The following DGKG variants were observed in gnomAD, a reference collection of about 807,000 sequenced individuals.
The protein encoded by DGKG is diacylglycerol kinase gamma.
A neutral mutation model predicts 105.3 loss-of-function variants in DGKG; 78 were observed. That is an observed-to-expected ratio of 0.74 (90% confidence interval 0.62 to 0.89). DGKG has a LOEUF of 0.89. Among genes scored for constraint, DGKG ranks in the 40% least tolerant of loss-of-function variants. DGKG has a pLI of 0.00. For missense variants in DGKG, 958 were observed against 1,020.1 expected (o/e 0.94, Z 0.83); for synonymous variants, 346 against 367.1 (o/e 0.94, Z 0.66).
intron 1 of DGKG, among the ~76,000 whole-genome samples, chr3:186,355,641 C>T (rs1726913616): frequency 6.6e-6 from 1 of 151,886 alleles, no homozygotes; most frequent in South Asian, 2.1e-4. Flanking sequence ...ACCACTATCA[C>T]CAGCACCACC....
chr3:186,179,408 T>G (rs561817640), intron 22 of DGKG, among the ~76,000 whole-genome samples: 1 of 152,286 alleles, frequency 6.6e-6, no homozygotes, highest in Non-Finnish European at 1.5e-5. Flanking sequence ...GACTGAGGAT[T>G]GGTCTGTGTG....
rs62290690 is a variant in DGKG, at chr3:186,353,650, G to A, written c.-249+8296C>T. 7.8e-3 allele frequency among the ~76,000 whole-genome samples: 474 copies of A among 60,800 alleles called. 3 individuals carry two copies. Among genetic ancestry groups the A allele is most frequent in the African/African-American group, 0.02 (435 of 21,798 alleles). The allele number at this position is 60,800 out of a possible 152,430, so 39.9% of individuals were successfully genotyped here. The stretch of plus-strand genomic sequence containing the variant: ...TATCTATATCTATATCTATATCTAT[G>A]TCTATGTCTATATCTATATCTATAT... On this transcript the variant is annotated intron_variant, in intron 1 of 24. Coordinates refer to ENST00000265022, the MANE Select transcript of DGKG (RefSeq NM_001346.3).
chr3:186,324,696 T>C (rs949417911), intron 1 of DGKG, among the ~76,000 whole-genome samples: 1 of 152,154 alleles, frequency 6.6e-6, no homozygotes, highest in African/African-American at 2.4e-5. Context: ...AAACAGATAC[T>C]GGTGAGGCTT....
rs759717539 is a variant in DGKG at position 186,298,116 on chromosome 3, C to G, written c.258G>C (p.Glu86Asp). ...CTCCCTCCGTCGGGTGGTCAGAGGT[C>G]TCGTGTCTGGGCTTCTGGCTGAAGG... ...FLAFSQKPRH[E>D]TSDHPTEGAS... The change falls in exon 4 of 25, where the codon GAG becomes GAC. Residue 86 changes from glutamate to aspartate, a missense_variant. Physicochemically the swap from Glu to Asp is conservative, Grantham distance 45 (BLOSUM62 2). Coordinates refer to ENST00000265022, the MANE Select transcript of DGKG (RefSeq NM_001346.3). The G allele has an allele frequency of 6.2e-7, 1 of 1,614,062 alleles. No individual in the cohort carries two copies. The highest frequency in any genetic ancestry group is 8.5e-7 in the Non-Finnish European group (1 of 1,179,990).
At chr3:186,225,274 A>G (rs1719802651) in intron 20 of DGKG, among the ~76,000 whole-genome samples, 1 of 151,438 alleles carries the variant, frequency 6.6e-6, no homozygotes, top group Non-Finnish European at 1.5e-5. Flanking sequence ...GCCCTGAATC[A>G]TTTTTTTTAA....
rs142828048 is a variant in DGKG, at chr3:186,259,944, C to T, written c.1424+495G>A. Among the ~76,000 whole-genome samples, 485 of 152,290 alleles carry T rather than the reference C, an allele frequency of 3.2e-3. 5 individuals carry two copies. The highest frequency in any genetic ancestry group is 0.011 in the African/African-American group (462 of 41,548). ...CCTCAAAATCGAATGATTTAGAAAA[C>T]AAAAGTGATTCCATTGAACAAGTAA... On this transcript the variant is annotated intron_variant, in intron 16 of 24. Transcript: ENST00000265022.
chr3:186,303,056 C>A (rs1724054836), intron 3 of DGKG, among the ~76,000 whole-genome samples: 1 of 152,252 alleles, frequency 6.6e-6, no homozygotes, highest in South Asian at 2.1e-4. Flanking sequence ...CTGTCCAGTG[C>A]TCCTGCTACT....
intron 19 of DGKG, among the ~76,000 whole-genome samples, chr3:186,245,177 T>C (rs7642690): frequency 0.045 from 6,787 of 152,262 alleles, 508 homozygotes; most frequent in African/African-American, 0.16. Flanking sequence ...TCTGATTGTC[T>C]TTGGTTTTTC....
intron 20 of DGKG, among the ~76,000 whole-genome samples, 162 bp downstream of exon 20, chr3:186,242,342 T>C (rs1278835081): frequency 6.7e-6 from 1 of 149,266 alleles, no homozygotes; most frequent in Non-Finnish European, 1.5e-5. Flanking sequence ...TTTCTGACAC[T>C]TTTTTTTTTC....
intron 20 of DGKG, among the ~76,000 whole-genome samples, chr3:186,230,030 C>A (rs374938625): frequency 6.6e-6 from 1 of 152,116 alleles, no homozygotes; most frequent in Non-Finnish European, 1.5e-5. Flanking sequence ...GAGGCCGAGG[C>A]GGGCGGATCA....
intron 20 of DGKG, among the ~76,000 whole-genome samples, chr3:186,225,026 T>C (rs1428528417): frequency 6.6e-6 from 1 of 152,172 alleles, no homozygotes. Flanking sequence ...CTTCTCTTTA[T>C]GTTCTCTTTG....
At chr3:186,262,333 T>C (rs1167715455) in intron 14 of DGKG, among the ~76,000 whole-genome samples, 1 of 152,204 alleles carries the variant, frequency 6.6e-6, no homozygotes, top group African/African-American at 2.4e-5. Context: ...CTTCTCTCCC[T>C]ATGAAACTCG....
chr3:186,158,831 C>T (rs1252667689), intron 24 of DGKG: 1 of 908,180 alleles, frequency 1.1e-6, no homozygotes, highest in Non-Finnish European at 1.3e-6. Context: ...ACCACTATAT[C>T]TCATAATTGA....
chr3:186,160,184 T>A, intron 24 of DGKG: 1 of 985,330 alleles, frequency 1.0e-6, no homozygotes, highest in Non-Finnish European at 1.2e-6. Context: ...TGAGTTGTAA[T>A]CTCTAAAGGG....
chr3:186,181,413 G>C (rs982584211), intron 22 of DGKG, among the ~76,000 whole-genome samples: 1 of 152,144 alleles, frequency 6.6e-6, no homozygotes, highest in Non-Finnish European at 1.5e-5. Context: ...TGAGATCCTG[G>C]GGAGATTTTG....
chr3:186,259,583 C>T (rs1035745207), intron 16 of DGKG, among the ~76,000 whole-genome samples: 2 of 152,172 alleles, frequency 1.3e-5, no homozygotes, highest in Non-Finnish European at 2.9e-5. Flanking sequence ...GTCCTTACTC[C>T]AACCTCTCTG....
intron 1 of DGKG, among the ~76,000 whole-genome samples, chr3:186,323,399 A>C (rs1725174839): frequency 6.6e-6 from 1 of 152,196 alleles, no homozygotes; most frequent in South Asian, 2.1e-4. Flanking sequence ...TAACATGTCA[A>C]TTCAATATTG....
At chr3:186,294,032 G>T (rs1340993718) in intron 5 of DGKG, among the ~76,000 whole-genome samples, 1 of 152,092 alleles carries the variant, frequency 6.6e-6, no homozygotes, top group African/African-American at 2.4e-5. Flanking sequence ...TTTTACTATA[G>T]GGGGCTGATT....
intron 1 of DGKG, among the ~76,000 whole-genome samples, chr3:186,323,732 C>T (rs1725195522): frequency 6.6e-6 from 1 of 151,978 alleles, no homozygotes; most frequent in African/African-American, 2.4e-5. Flanking sequence ...GTCAGGAGAT[C>T]GAGACCATCC....
Sources: gnomAD v4.1 joint callset for allele counts (sites outside exome capture counted in the v4.1 genomes callset) on GRCh38, gnomAD v4.1.1 for gene constraint, MANE v1.5 for transcripts, NCBI Gene and HGNC (gene_info 2026-07-23, HGNC 2026-07-21) for gene names.